The following PIEZO2 variants were observed in gnomAD, a reference collection of about 807,000 sequenced individuals.
PIEZO2 encodes piezo-type mechanosensitive ion channel component 2.
A neutral mutation model predicts 337.3 loss-of-function variants in PIEZO2; 172 were observed. The ratio of observed to expected loss-of-function variants is 0.51; its 90% CI spans 0.45 to 0.58. The LOEUF (loss-of-function observed/expected upper bound fraction) is 0.58, where lower values mean the gene tolerates loss of function less well. PIEZO2 is among the 20% of genes least tolerant of loss of function. PIEZO2 has a pLI of 0.00. For missense variants in PIEZO2, 3,028 were observed against 3,391.3 expected, an observed-to-expected ratio of 0.89 and a Z score of 2.66; for synonymous variants, 1,251 against 1,228.5, an observed-to-expected ratio of 1.02 and a Z score of -0.38.
chr18:10,737,332 A>C (rs961093816), intron 33 of PIEZO2, among the ~76,000 whole-genome samples: 1 of 151,892 alleles, frequency 6.6e-6, no homozygotes, highest in African/African-American at 2.4e-5. Context: ...TGAGGATGAA[A>C]TGGGCAGGTA....
Position 11,097,057 on chromosome 18 carries a change from G to C in PIEZO2, c.65-30835C>G, listed in dbSNP as rs2039281140. Among the ~76,000 whole-genome samples the C allele has an allele frequency of 6.6e-6, 1 of 152,198 alleles. No individual in the cohort carries two copies. The highest frequency in any genetic ancestry group is 1.5e-5 in the Non-Finnish European group (1 of 68,034). On this transcript the variant is annotated intron_variant, in intron 1 of 55. Coordinates refer to ENST00000674853, the MANE Select transcript of PIEZO2 (RefSeq NM_001378183.1). This position sits in a 1 kb window ranked among gnomAD's most constrained non-coding sequence, Gnocchi z 5.0. The stretch of plus-strand genomic sequence containing the variant: ...AGCTAATGAGTTAAGTCTGTCTCCA[G>C]TGTAGGACGATCTTTTGTATACAAG...
intron 3 of PIEZO2, among the ~76,000 whole-genome samples, chr18:10,931,368 T>C (rs1274179300): frequency 3.3e-5 from 5 of 151,892 alleles, no homozygotes; most frequent in African/African-American, 9.7e-5. Flanking sequence ...CCCAGCTAAT[T>C]TTTTGTATTT....
At chr18:10,869,068 G>C (rs969005531) in intron 5 of PIEZO2, among the ~76,000 whole-genome samples, 1 of 152,312 alleles carries the variant, frequency 6.6e-6, no homozygotes, top group Admixed American at 6.5e-5. Flanking sequence ...TCTCAAATTG[G>C]AGAAGGACAA....
At chr18:10,806,223 T>C (rs1371880197) in intron 8 of PIEZO2, among the ~76,000 whole-genome samples, 3 of 152,172 alleles carry the variant, frequency 2.0e-5, no homozygotes, top group Non-Finnish European at 4.4e-5. Context: ...GGCTGGGCCA[T>C]GCTCATGAGA....
Position 11,001,680 on chromosome 18 carries a change from C to G in PIEZO2, c.161-22020G>C, listed in dbSNP as rs1274403980. Among the ~76,000 whole-genome samples, 1 of 151,902 alleles carries G rather than the reference C, an allele frequency of 6.6e-6. No individual in the cohort carries two copies. The highest frequency in any genetic ancestry group is 1.5e-5 in the Non-Finnish European group (1 of 67,994). ...ATCATCTGAGGTCGGGAGTTCGAGACCAACCTGGCTAACATGGTAAAACCC... is the reference window on the plus strand; with the variant it reads ...ATCATCTGAGGTCGGGAGTTCGAGAGCAACCTGGCTAACATGGTAAAACCC... On this transcript the variant is annotated intron_variant, in intron 2 of 55. Coordinates refer to ENST00000674853, the MANE Select transcript of PIEZO2 (RefSeq NM_001378183.1). The surrounding 1 kb of genome is among the most constrained non-coding windows in gnomAD (Gnocchi z 5.3).
At chr18:11,064,816 GA>G (rs1180398182) in intron 2 of PIEZO2, among the ~76,000 whole-genome samples, 70 of 152,310 alleles carry the variant, frequency 4.6e-4, no homozygotes, top group Non-Finnish European at 2.5e-4. Context: ...ACTTTATTGT[GA>G]ATGCACGCAC....
At chr18:11,133,072 A>G (rs1261177735) in intron 1 of PIEZO2, among the ~76,000 whole-genome samples, 1 of 152,200 alleles carries the variant, frequency 6.6e-6, no homozygotes, top group African/African-American at 2.4e-5. Flanking sequence ...ATCCATGACC[A>G]CGTGACCAGC....
rs888869036 is a variant in PIEZO2, at chr18:11,112,005, A to G, written c.64+36520T>C. Reference sequence around the variant, plus strand: ...GACTTAAGAGGGAAAATGGTAGGGGAGCCGTGAATGAAGTTTCATAGTCCT... The same window carrying G: ...GACTTAAGAGGGAAAATGGTAGGGGGGCCGTGAATGAAGTTTCATAGTCCT... On this transcript the variant is annotated intron_variant, in intron 1 of 55. Transcript: ENST00000674853. This position sits in a 1 kb window ranked among gnomAD's most constrained non-coding sequence, Gnocchi z 4.3. Among the ~76,000 whole-genome samples the G allele has an allele frequency of 6.6e-6, 1 of 152,186 alleles. No individual in the cohort carries two copies. Among genetic ancestry groups the G allele is most frequent in the Non-Finnish European group, 1.5e-5 (1 of 68,036 alleles).
chr18:10,907,518 T>C (rs906513119), intron 4 of PIEZO2, among the ~76,000 whole-genome samples: 2 of 152,102 alleles, frequency 1.3e-5, no homozygotes, highest in African/African-American at 4.8e-5. Flanking sequence ...AGCCTACCAA[T>C]GACACACCCC....
chr18:10,806,980 A>T lies in PIEZO2; in HGVS notation c.1080+132T>A, dbSNP rs2040020340. ...TTAATACTCTTTGCAGAATTAAAAC[A>T]TCATACCCAGAACACTAGAGTTGTG... On this transcript the variant is annotated intron_variant, in intron 8 of 55. Coordinates refer to ENST00000674853, the MANE Select transcript of PIEZO2 (RefSeq NM_001378183.1). 6 of 951,430 alleles carry T rather than the reference A, an allele frequency of 6.3e-6. No homozygotes were observed. The South Asian group carries it at 8.5e-5, about 13-fold the overall frequency. 58.9% of individuals were successfully genotyped at this position (951,430 alleles called of 1,614,324 possible).
intron 2 of PIEZO2, among the ~76,000 whole-genome samples, chr18:11,008,785 C>T (rs1372999517): frequency 6.6e-6 from 1 of 152,154 alleles, no homozygotes; most frequent in Non-Finnish European, 1.5e-5. Flanking sequence ...GCATTGGGAG[C>T]CCTCAAGTTT....
intron 52 of PIEZO2, among the ~76,000 whole-genome samples, chr18:10,679,538 A>T (rs200407656): frequency 2.2e-4 from 4 of 18,178 alleles, no homozygotes; most frequent in Non-Finnish European, 1.4e-3. Flanking sequence ...TCTAAAAACC[A>T]GTATTAATTT....
At chr18:10,791,170 A>T (rs1471567652) in intron 14 of PIEZO2, 31 bp downstream of exon 14, 1 of 1,499,396 alleles carries the variant, frequency 6.7e-7, no homozygotes, top group Admixed American at 2.2e-5. Context: ...TGAGCACCAA[A>T]CTCTCCAGCC....
intron 7 of PIEZO2, among the ~76,000 whole-genome samples, chr18:10,838,249 A>T (rs1261295613): frequency 6.6e-6 from 1 of 152,088 alleles, no homozygotes; most frequent in Non-Finnish European, 1.5e-5. Context: ...CTTGCATCAT[A>T]TGGAAAACAC....
chr18:10,678,021 T>G, intron 52 of PIEZO2, 146 bp from the exon 53 acceptor site: 1 of 748,514 alleles, frequency 1.3e-6, no homozygotes, highest in South Asian at 2.0e-5. Context: ...TTCAGTCTAC[T>G]TCACCTCAAT....
intron 7 of PIEZO2, among the ~76,000 whole-genome samples, chr18:10,822,212 A>G (rs1422293273): frequency 1.3e-5 from 2 of 152,252 alleles, no homozygotes; most frequent in Non-Finnish European, 2.9e-5. Context: ...TTCATGGACC[A>G]GCACTGATCT....
chr18:10,684,052 C>T (rs1276230925), intron 49 of PIEZO2, among the ~76,000 whole-genome samples: 1 of 139,502 alleles, frequency 7.2e-6, no homozygotes, highest in African/African-American at 2.6e-5. Flanking sequence ...CTCCTACCCT[C>T]CCTCCCTCCC....
At chr18:10,814,991 C>T (rs1417419547) in intron 7 of PIEZO2, among the ~76,000 whole-genome samples, 1 of 152,056 alleles carries the variant, frequency 6.6e-6, no homozygotes, top group East Asian at 1.9e-4. Context: ...ATCGATGGTC[C>T]CTGGGGATTT....
At chr18:10,721,068 G>T (rs564684224) in intron 36 of PIEZO2, among the ~76,000 whole-genome samples, 89 of 152,098 alleles carry the variant, frequency 5.9e-4, no homozygotes, top group Non-Finnish European at 7.5e-4. Flanking sequence ...GATATCATTA[G>T]GAATTTTTTC....
Sources: allele counts gnomAD v4.1 joint callset (sites outside exome capture counted in the v4.1 genomes callset), GRCh38; gene constraint gnomAD v4.1.1; non-coding constraint Gnocchi (gnomAD v3.1); transcripts MANE v1.5; gene names NCBI Gene and HGNC (gene_info 2026-07-23, HGNC 2026-07-21).